The following DLG2 variants were observed in gnomAD, a reference collection of about 807,000 sequenced individuals.
DLG2 encodes the protein discs large MAGUK scaffold protein 2.
Under a neutral mutation model 132.5 loss-of-function variants are expected in DLG2, and 45 were observed. The ratio of observed to expected loss-of-function variants is 0.34; its 90% CI spans 0.27 to 0.44. DLG2 has a LOEUF of 0.44. DLG2 is among the 20% of genes least tolerant of loss of function. DLG2 has a pLI of 1.00. For synonymous variants in DLG2, 424 were observed against 419.6 expected, an observed-to-expected ratio of 1.01 and a Z score of -0.13; for missense variants, 1,045 against 1,196.9, an observed-to-expected ratio of 0.87 and a Z score of 1.87.
At chr11:85,195,675 C>T (rs2081000357) in intron 4 of DLG2, among the ~76,000 whole-genome samples, 1 of 151,976 alleles carries the variant, frequency 6.6e-6, no homozygotes. Context: ...AGGCGCCCAC[C>T]ATCACGCCCA....
intron 6 of DLG2, among the ~76,000 whole-genome samples, chr11:84,610,394 T>C (rs2099593323): frequency 1.3e-5 from 2 of 152,054 alleles, no homozygotes; most frequent in African/African-American, 4.8e-5. Context: ...GTTCCTTAAA[T>C]AAAGAAAAAT....
chr11:84,481,145 C>T (rs1233202631), intron 7 of DLG2, among the ~76,000 whole-genome samples: 4 of 152,084 alleles, frequency 2.6e-5, no homozygotes, highest in African/African-American at 4.8e-5. Flanking sequence ...ATACTGTTAG[C>T]GCTCAATGAA....
intron 3 of DLG2, among the ~76,000 whole-genome samples, chr11:85,540,969 A>G (rs2075927402): frequency 6.6e-6 from 1 of 152,226 alleles, no homozygotes; most frequent in Non-Finnish European, 1.5e-5. Flanking sequence ...TCTTTTCTTT[A>G]AAAGTTCACA....
At position 83,458,451 on chromosome 11, in the gene DLG2, A is replaced by T. The variant is rs1018302249; in HGVS notation, c.*1367T>A. The T allele has an allele frequency of 3.9e-5, 6 of 152,818 alleles. No individual in the cohort carries two copies. The highest frequency in any genetic ancestry group is 1.4e-4 in the African/African-American group (6 of 41,446). 9.5% of individuals were successfully genotyped at this position (152,818 alleles called of 1,614,324 possible). A position where few individuals can be genotyped will look rare whatever the true frequency, so the allele number is the denominator to read the frequency against. ...GTGACTCTATCTCTTTGCTCTGTAC[A>T]TAGAAACAAAAAAGTCTGCACCCCC... is the stretch of plus-strand genomic sequence containing the variant. On this transcript the variant is annotated 3_prime_UTR_variant, in exon 28 of 28. Transcript: ENST00000376104.
intron 6 of DLG2, among the ~76,000 whole-genome samples, chr11:84,746,479 T>C (rs2065383546): frequency 6.6e-6 from 1 of 150,752 alleles, no homozygotes; most frequent in Non-Finnish European, 1.5e-5. Context: ...AATTACAGAG[T>C]TAGAAACGTG....
At chr11:83,891,356 A>C (rs556803698) in intron 15 of DLG2, among the ~76,000 whole-genome samples, 1 of 152,344 alleles carries the variant, frequency 6.6e-6, no homozygotes, top group Admixed American at 6.5e-5. Flanking sequence ...AGATAGTTTT[A>C]GTGGGAAGAC....
chr11:84,606,425 G>A (rs1320009908), intron 6 of DLG2, among the ~76,000 whole-genome samples: 1 of 152,078 alleles, frequency 6.6e-6, no homozygotes, highest in African/African-American at 2.4e-5. Flanking sequence ...AATTGTCTTT[G>A]TATGGTGGAC....
intron 6 of DLG2, among the ~76,000 whole-genome samples, chr11:84,870,645 TCCTG>T (rs2085330260): frequency 6.6e-6 from 1 of 152,204 alleles, no homozygotes; most frequent in African/African-American, 2.4e-5. Flanking sequence ...ATGTGTGTCT[TCCTG>T]CCTATTTACA....
intron 6 of DLG2, among the ~76,000 whole-genome samples, chr11:85,110,308 T>C (rs1486808213): frequency 6.6e-6 from 1 of 151,854 alleles, no homozygotes; most frequent in Non-Finnish European, 1.5e-5. Context: ...TCCCAGCTAC[T>C]TGGGGAGGCT....
chr11:83,861,651 C>T (rs976131817), intron 16 of DLG2, among the ~76,000 whole-genome samples: 1 of 151,752 alleles, frequency 6.6e-6, no homozygotes, highest in East Asian at 1.9e-4. Context: ...CTCACTTATT[C>T]GTGGAATCTA....
chr11:84,170,144 T>C (rs1257311871), intron 8 of DLG2, among the ~76,000 whole-genome samples: 2 of 152,160 alleles, frequency 1.3e-5, no homozygotes, highest in Non-Finnish European at 2.9e-5. Flanking sequence ...CCAAGTCACC[T>C]ATGAACTCCA....
chr11:84,689,121 G>A (rs531553479), intron 6 of DLG2, among the ~76,000 whole-genome samples: 5 of 152,184 alleles, frequency 3.3e-5, no homozygotes, highest in South Asian at 2.1e-4. Flanking sequence ...ATTCAAAAAC[G>A]TAAATAACTA....
At chr11:84,242,414 T>C (rs2097242555) in intron 8 of DLG2, among the ~76,000 whole-genome samples, 1 of 152,086 alleles carries the variant, frequency 6.6e-6, no homozygotes. Context: ...ATAGAACTTT[T>C]TTTTTTTTTG....
chr11:85,319,602 A>T (rs950650321), intron 3 of DLG2, among the ~76,000 whole-genome samples: 11 of 151,880 alleles, frequency 7.2e-5, no homozygotes, highest in African/African-American at 2.4e-4. Flanking sequence ...GTATAAAAAG[A>T]TATCATCCAC....
At chr11:84,415,848 T>G (rs2154460914) in intron 7 of DLG2, among the ~76,000 whole-genome samples, 1 of 152,328 alleles carries the variant, frequency 6.6e-6, no homozygotes, top group South Asian at 2.1e-4. Flanking sequence ...TAGTACCTAC[T>G]TCATATATGC....
chr11:83,714,722 ATTTGTTT>A (rs1441353668), intron 18 of DLG2, among the ~76,000 whole-genome samples: 12 of 152,174 alleles, frequency 7.9e-5, no homozygotes, highest in Admixed American at 1.3e-4. Flanking sequence ...GATAACTATA[ATTTGTTT>A]TATTATTATT....
intron 17 of DLG2, among the ~76,000 whole-genome samples, chr11:83,802,184 T>A (rs992045788): frequency 6.6e-6 from 1 of 151,970 alleles, no homozygotes; most frequent in African/African-American, 2.4e-5. Flanking sequence ...GAGCAACCAA[T>A]ATGTTCCTTG....
chr11:85,049,990 T>C (rs1459871451), intron 6 of DLG2, among the ~76,000 whole-genome samples: 4 of 152,026 alleles, frequency 2.6e-5, no homozygotes, highest in African/African-American at 9.7e-5. Flanking sequence ...TCTCTAGCTA[T>C]CAGAAATTGT....
At chr11:83,708,537 T>C (rs1303848616) in intron 18 of DLG2, among the ~76,000 whole-genome samples, 1 of 152,214 alleles carries the variant, frequency 6.6e-6, no homozygotes, top group Admixed American at 6.5e-5. Context: ...CAAGACAATA[T>C]GATAACAAAT....
Sources: allele counts gnomAD v4.1 joint callset (sites outside exome capture counted in the v4.1 genomes callset), GRCh38; gene constraint gnomAD v4.1.1; transcripts MANE v1.5; gene names NCBI Gene and HGNC (gene_info 2026-07-23, HGNC 2026-07-21).